Variants in IL4R observed in about 807,000 individuals in gnomAD.
The protein encoded by IL4R is interleukin 4 receptor, also known as interleukin-4 receptor subunit alpha.
A neutral mutation model predicts 41.5 loss-of-function variants in IL4R; 17 were observed. That is an observed-to-expected ratio of 0.41 (90% confidence interval 0.28 to 0.61). The LOEUF (loss-of-function observed/expected upper bound fraction) is 0.61. IL4R is among the 20% of genes least tolerant of loss of function. The pLI is 0.31. For synonymous variants in IL4R, 402 were observed against 422.9 expected (o/e 0.95, Z 0.61); for missense variants, 974 against 1,043.1 (o/e 0.93, Z 0.91).
chr16:27,360,383 G>A (rs573378238), intron 9 of IL4R, among the ~76,000 whole-genome samples: 19 of 152,320 alleles, frequency 1.2e-4, no homozygotes, highest in African/African-American at 3.8e-4. Context: ...CCAGCAGGCC[G>A]GCCCAGGCTT....
rs550634867 is a variant in IL4R, at chr16:27,360,951, C to T, written c.899+136C>T. 7,222 of 1,562,760 alleles carry T rather than the reference C, an allele frequency of 4.6e-3. 22 individuals carry two copies. The highest frequency in any genetic ancestry group is 5.6e-3 in the Non-Finnish European group (6,425 of 1,152,704). On this transcript the variant is annotated intron_variant, in intron 10 of 10. Coordinates refer to ENST00000395762, the MANE Select transcript of IL4R (RefSeq NM_000418.4). ...CCCTGTGACATTAGCCTTCAAGGGA[C>T]GGCAGGAGGAGGGGTGTTCTGGAAA...
At chr16:27,328,568 C>A (rs1352777198) in intron 1 of IL4R, among the ~76,000 whole-genome samples, 1 of 152,162 alleles carries the variant, frequency 6.6e-6, no homozygotes, top group East Asian at 1.9e-4. Context: ...ACCATTCATT[C>A]ATTTAATATA....
At chr16:27,341,998 G>A (rs528929239) in intron 3 of IL4R, 123 bp from the exon 4 acceptor site, 2 of 1,047,922 alleles carry the variant, frequency 1.9e-6, no homozygotes, top group Admixed American at 2.2e-5. Context: ...AGCTCTGTGG[G>A]CGCTGGCCCT....
At chr16:27,335,944 A>T (rs2085248414) in intron 2 of IL4R, among the ~76,000 whole-genome samples, 1 of 152,020 alleles carries the variant, frequency 6.6e-6, no homozygotes, top group Non-Finnish European at 1.5e-5. Flanking sequence ...CCTGATTTCG[A>T]TGGTTGTATT....
chr16:27,339,044 G>A (rs1216270738), intron 2 of IL4R, among the ~76,000 whole-genome samples: 10 of 151,978 alleles, frequency 6.6e-5, no homozygotes, highest in African/African-American at 2.2e-4. Flanking sequence ...TAGTACAGAC[G>A]GGGTTTCTCC....
chr16:27,346,153 C>T (rs960583085), intron 5 of IL4R, among the ~76,000 whole-genome samples: 5 of 149,362 alleles, frequency 3.3e-5, no homozygotes, highest in African/African-American at 1.2e-4. Flanking sequence ...GAGCCCTGGG[C>T]TATTGAGGCT....
At position 27,352,649 on chromosome 16, in the gene IL4R, A is replaced by C; in HGVS notation, c.623A>C (p.Tyr208Ser). 6.2e-7 allele frequency: 1 copy of C among 1,614,210 alleles called. No homozygotes were observed. The highest frequency in any genetic ancestry group is 8.5e-7 in the Non-Finnish European group (1 of 1,180,022). Residue 208 changes from tyrosine (Y) to serine (S), a missense_variant, in exon 7 of 11, where the codon TAT becomes TCT. Physicochemically the swap from Tyr to Ser is moderately radical, Grantham distance 144. Coordinates refer to ENST00000395762, the MANE Select transcript of IL4R (RefSeq NM_000418.4). ...CGGGTGAGGGCCTGGGCTCAGTGCT[A>C]TAACACCACCTGGAGTGAGTGGAGC... ...RARVRAWAQC[Y>S]NTTWSEWSPS...
At chr16:27,322,706 T>G (rs909546250) in intron 1 of IL4R, among the ~76,000 whole-genome samples, 39 of 152,140 alleles carry the variant, frequency 2.6e-4, no homozygotes, top group African/African-American at 9.4e-4. Flanking sequence ...TGAGACATTC[T>G]CAAAAAAACA....
At chr16:27,360,995 C>T in intron 10 of IL4R, 180 bp downstream of exon 10, 1 of 1,475,514 alleles carries the variant, frequency 6.8e-7, no homozygotes, top group Non-Finnish European at 9.0e-7. Context: ...GCTGGCCAAG[C>T]CCCCTGAGTT....
rs199930907 is a variant in IL4R, at chr16:27,363,241, G to T, written c.1889G>T (p.Gly630Val). ...CGFGASSGEE[G>V]YKPFQDLIPG... is the part of the protein sequence containing the mutation. ...TTTGGGGCTAGCAGTGGGGAAGAGG[G>T]GTATAAGCCTTTCCAAGACCTCATT... Residue 630 changes from glycine to valine, a missense_variant, in exon 11 of 11, where the codon GGG becomes GTG. Transcript: ENST00000395762. The T allele has an allele frequency of 4.4e-6, 7 of 1,604,358 alleles. No homozygotes were observed. Among genetic ancestry groups the T allele is most frequent in the Non-Finnish European group, 5.1e-6 (6 of 1,174,646 alleles).
chr16:27,358,907 G>C lies in IL4R; in HGVS notation c.771-9G>C. The C allele has an allele frequency of 6.2e-7, 1 of 1,611,490 alleles. No individual in the cohort carries two copies. The highest frequency in any genetic ancestry group is 8.5e-7 in the Non-Finnish European group (1 of 1,177,630). On this transcript the variant is annotated splice_polypyrimidine_tract_variant and intron_variant, in intron 8 of 10. Coordinates refer to ENST00000395762, the MANE Select transcript of IL4R (RefSeq NM_000418.4). ...TCAGAGATCAACACCTTTTCCTTTT[G>C]TTTTTCAGGATTAAGAAAGAATGGT... is the stretch of plus-strand genomic sequence containing the variant.
At chr16:27,342,036 C>T (rs3024544) in intron 3 of IL4R, 85 bp from the exon 4 acceptor site, 194,581 of 1,486,994 alleles carry the variant, frequency 0.13, 13,785 homozygotes, top group Middle Eastern at 0.17. Flanking sequence ...TGCTTTTGTG[C>T]TATTCCCCTT....
Position 27,362,845 on chromosome 16 carries a change from G to A in IL4R, c.1493G>A (p.Arg498His), listed in dbSNP as rs574528642. 52 of 1,614,074 alleles carry A rather than the reference G, an allele frequency of 3.2e-5. No homozygotes were observed. The East Asian group carries it at 8.0e-4, about 25-fold the overall frequency. ...PLVIAGNPAY[R>H]SFSNSLSQSP... ...GTCATCGCAGGCAACCCTGCTTACC[G>A]CAGCTTCAGCAACTCCCTGAGCCAG... The change falls in exon 11 of 11, where the codon CGC (arginine) becomes CAC (histidine). Residue 498 changes from arginine (R) to histidine (H), a missense_variant. Coordinates refer to ENST00000395762, the MANE Select transcript of IL4R (RefSeq NM_000418.4).
chr16:27,363,990 T>C lies in IL4R; in HGVS notation c.*160T>C, dbSNP rs1477391559. 3.7e-6 allele frequency: 3 copies of C among 814,900 alleles called. No individual in the cohort carries two copies. The highest frequency in any genetic ancestry group is 5.8e-6 in the Non-Finnish European group (3 of 519,904). 50.5% of individuals were successfully genotyped at this position (814,900 alleles called of 1,614,324 possible). On this transcript the variant is annotated 3_prime_UTR_variant, in exon 11 of 11. Transcript: ENST00000395762. Reference sequence around the variant, plus strand: ...GGCCCCACTGACGTTGGCCTAACACTGGGCTGCAGAGACTGGACCCCGCCC... The same window carrying C: ...GGCCCCACTGACGTTGGCCTAACACCGGGCTGCAGAGACTGGACCCCGCCC...
At chr16:27,328,065 C>A (rs1048670843) in intron 1 of IL4R, among the ~76,000 whole-genome samples, 3 of 151,690 alleles carry the variant, frequency 2.0e-5, no homozygotes, top group Non-Finnish European at 4.4e-5. Context: ...CAAAAATTAG[C>A]CAGGTGTGAT....
chr16:27,322,339 G>A (rs2084838004), intron 1 of IL4R, among the ~76,000 whole-genome samples: 1 of 152,112 alleles, frequency 6.6e-6, no homozygotes, highest in Non-Finnish European at 1.5e-5. Context: ...ACCACGCCTA[G>A]CTGATGTTTG....
At chr16:27,355,941 C>T (rs748585500) in intron 8 of IL4R, 34 bp downstream of exon 8, 1 of 1,471,092 alleles carries the variant, frequency 6.8e-7, no homozygotes, top group Non-Finnish European at 9.5e-7. Flanking sequence ...CGAGCAGTCC[C>T]TCTGGAGTGC....
At position 27,342,226 on chromosome 16, in the gene IL4R, G is replaced by A. The variant is rs770213018; in HGVS notation, c.176G>A (p.Arg59His). The A allele has an allele frequency of 1.6e-5, 26 of 1,614,162 alleles. No homozygotes were observed. In the Admixed American group the frequency reaches 2.2e-4, roughly 13 times the overall value. ...NGPTNCSTEL[R>H]LLYQLVFLLS... ...CCCACCAATTGCAGCACCGAGCTCCGCCTGTTGTACCAGCTGGTTTTTCTG... is the reference window on the plus strand; with the variant it reads ...CCCACCAATTGCAGCACCGAGCTCCACCTGTTGTACCAGCTGGTTTTTCTG... The change falls in exon 4 of 11, where the codon CGC (arginine) becomes CAC (histidine). Residue 59 changes from arginine (R) to histidine (H), a missense_variant. By Grantham distance (29) the Arg-to-His change is conservative. Transcript: ENST00000395762.
At chr16:27,344,453 C>T (rs2085558088) in intron 4 of IL4R, among the ~76,000 whole-genome samples, 1 of 151,740 alleles carries the variant, frequency 6.6e-6, no homozygotes, top group East Asian at 1.9e-4. Context: ...TTGCAGACCC[C>T]TGGCCTAGCC....
Sources: allele counts gnomAD v4.1 joint callset (sites outside exome capture counted in the v4.1 genomes callset), GRCh38; gene constraint gnomAD v4.1.1; transcripts MANE v1.5; gene names NCBI Gene and HGNC (gene_info 2026-07-23, HGNC 2026-07-21).